Variants in FHIP1A observed in about 807,000 individuals in gnomAD.
The protein encoded by FHIP1A is FHF complex subunit HOOK-interacting protein 1A.
Under a neutral mutation model 88.6 loss-of-function variants are expected in FHIP1A, and 61 were observed. The observed-to-expected ratio is 0.69, with a 90% CI of 0.56 to 0.85. The LOEUF is 0.85. FHIP1A is among the 40% of genes least tolerant of loss of function. The probability of loss-of-function intolerance (pLI) is 0.00; values close to 1 mark genes in which losing one functional copy is unlikely to be tolerated. For synonymous variants in FHIP1A, 478 were observed against 496.0 expected, an observed-to-expected ratio of 0.96 and a Z score of 0.48; for missense variants, 1,154 against 1,273.5, an observed-to-expected ratio of 0.91 and a Z score of 1.43.
rs1363429176 is a variant in FHIP1A, at chr4:151,577,591, G to A, written c.247G>A (p.Ala83Thr). The A allele has an allele frequency of 1.3e-6, 2 of 1,551,950 alleles. No individual in the cohort carries two copies. The highest frequency in any genetic ancestry group is 1.7e-6 in the Non-Finnish European group (2 of 1,147,044). Residue 83 changes from alanine to threonine, a missense_variant, in exon 5 of 14, where the codon GCT (alanine) becomes ACT (threonine). Ala to Thr is a moderately conservative substitution (Grantham distance 58). Transcript: ENST00000435205. ...FLLIEEQAKD[A>T]AMGPILEFVV... ...GTTGATTGAAGAGCAAGCCAAAGAT[G>A]CTGCAATGGGGCCGATTCTGGAATT...
intron 1 of FHIP1A, among the ~76,000 whole-genome samples, chr4:151,411,851 A>G (rs1270167194): frequency 6.6e-6 from 1 of 152,130 alleles, no homozygotes; most frequent in Non-Finnish European, 1.5e-5. Context: ...CTTCATCCTT[A>G]TTTTTAGCAA....
intron 8 of FHIP1A, among the ~76,000 whole-genome samples, chr4:151,632,118 A>G (rs781359426): frequency 3.9e-5 from 6 of 152,094 alleles, no homozygotes; most frequent in Non-Finnish European, 7.4e-5. Context: ...TCCTATGCAA[A>G]TGGTAACTAA....
chr4:151,558,066 A>G (rs1733022417), intron 3 of FHIP1A, among the ~76,000 whole-genome samples: 1 of 152,210 alleles, frequency 6.6e-6, no homozygotes, highest in African/African-American at 2.4e-5. Flanking sequence ...CTTGGGACAA[A>G]ATGAAAGCTT....
chr4:151,498,993 CAG>C (rs1730558243), intron 3 of FHIP1A, among the ~76,000 whole-genome samples: 2 of 152,122 alleles, frequency 1.3e-5, no homozygotes, highest in Non-Finnish European at 2.9e-5. Flanking sequence ...CTTGTTAAGA[CAG>C]ATTTAAACAG....
intron 3 of FHIP1A, among the ~76,000 whole-genome samples, chr4:151,526,489 A>AC (rs1053128063): frequency 1.1e-4 from 15 of 136,376 alleles, no homozygotes; most frequent in East Asian, 4.5e-4. Flanking sequence ...CGGGGGGCTG[A>AC]CCCCCCCACC....
chr4:151,647,787 G>A (rs1186291687), intron 10 of FHIP1A, among the ~76,000 whole-genome samples: 2 of 152,130 alleles, frequency 1.3e-5, no homozygotes, highest in Non-Finnish European at 2.9e-5. Context: ...TACTATGAAA[G>A]TTTTTTCAAG....
Position 151,461,405 on chromosome 4 carries a change from C to T in FHIP1A, c.-248+6597C>T, listed in dbSNP as rs575638947. Among the ~76,000 whole-genome samples the T allele has an allele frequency of 3.3e-5, 5 of 152,162 alleles. No homozygotes were observed. In the South Asian group the frequency reaches 1.0e-3, roughly 32 times the overall value. ...GTGAGGTGAGGTATGGTGGGCATGG[C>T]ACTCATTCTCGTGACAATACCATGG... On this transcript the variant is annotated intron_variant, in intron 2 of 13. Coordinates refer to ENST00000435205, the MANE Select transcript of FHIP1A (RefSeq NM_001109977.3).
intron 7 of FHIP1A, among the ~76,000 whole-genome samples, chr4:151,621,588 G>T (rs923747376): frequency 1.3e-5 from 2 of 150,052 alleles, no homozygotes; most frequent in African/African-American, 2.5e-5. Context: ...GAGTTGGGGG[G>T]GTTGCGTGGA....
At chr4:151,463,730 G>A (rs1053007325) in intron 2 of FHIP1A, among the ~76,000 whole-genome samples, 1 of 152,176 alleles carries the variant, frequency 6.6e-6, no homozygotes, top group African/African-American at 2.4e-5. Flanking sequence ...CTTGTCTGAT[G>A]ACAATACCGA....
Position 151,508,319 on chromosome 4 carries a change from G to A in FHIP1A, c.-123+25671G>A, listed in dbSNP as rs138173618. On this transcript the variant is annotated intron_variant, in intron 3 of 13. Coordinates refer to ENST00000435205, the MANE Select transcript of FHIP1A (RefSeq NM_001109977.3). The stretch of plus-strand genomic sequence containing the variant: ...CACAATAATTTGGGGAGAAAGATTC[G>A]TGGGTCCTGCCTTCATGTGCAGCCT... 4.5e-4 allele frequency among the ~76,000 whole-genome samples: 69 copies of A among 152,324 alleles called. No homozygotes were observed. In the East Asian group the frequency reaches 9.1e-3, roughly 20 times the overall value.
intron 2 of FHIP1A, among the ~76,000 whole-genome samples, chr4:151,478,637 C>G (rs942427601): frequency 1.3e-5 from 2 of 152,098 alleles, no homozygotes; most frequent in African/African-American, 4.8e-5. Context: ...TTGGGCTAAA[C>G]AAAACTAAGC....
chr4:151,528,100 G>C (rs1731746617), intron 3 of FHIP1A, among the ~76,000 whole-genome samples: 1 of 152,234 alleles, frequency 6.6e-6, no homozygotes, highest in Non-Finnish European at 1.5e-5. Context: ...TCTGTGAGAA[G>C]TGAATACTTT....
chr4:151,645,831 G>A (rs1443629482), intron 9 of FHIP1A, among the ~76,000 whole-genome samples: 1 of 151,936 alleles, frequency 6.6e-6, no homozygotes, highest in Non-Finnish European at 1.5e-5. Flanking sequence ...GGTTGCTCAG[G>A]TTTTCTTGTC....
chr4:151,516,369 A>T (rs969745781), intron 3 of FHIP1A, among the ~76,000 whole-genome samples: 1 of 152,006 alleles, frequency 6.6e-6, no homozygotes, highest in Non-Finnish European at 1.5e-5. Context: ...CCTAGGCATT[A>T]CCATTCAGGA....
At chr4:151,661,702 AAAAACTG>A (rs1467633491) in intron 13 of FHIP1A, among the ~76,000 whole-genome samples, 1 of 152,240 alleles carries the variant, frequency 6.6e-6, no homozygotes, top group Non-Finnish European at 1.5e-5. Context: ...TTTAATTAGT[AAAAACTG>A]ATTTGATAGG....
intron 8 of FHIP1A, 99 bp from the exon 9 acceptor site, chr4:151,638,578 A>G (rs1736452824): frequency 7.9e-6 from 5 of 631,954 alleles, no homozygotes; most frequent in Admixed American, 3.4e-5. Flanking sequence ...AAAAAAAAAA[A>G]GGCCATTATA....
intron 7 of FHIP1A, among the ~76,000 whole-genome samples, chr4:151,627,514 T>C (rs891095051): frequency 3.9e-5 from 6 of 152,248 alleles, no homozygotes; most frequent in African/African-American, 1.4e-4. Context: ...GAAAATATTG[T>C]GTTACAGAAA....
chr4:151,576,548 C>T (rs1225136923), intron 4 of FHIP1A, among the ~76,000 whole-genome samples: 1 of 152,176 alleles, frequency 6.6e-6, no homozygotes, highest in African/African-American at 2.4e-5. Flanking sequence ...AAGTGATCCT[C>T]CTACCTTGGC....
intron 5 of FHIP1A, among the ~76,000 whole-genome samples, chr4:151,578,543 G>C (rs1023873621): frequency 3.3e-5 from 5 of 152,102 alleles, no homozygotes; most frequent in South Asian, 4.2e-4. Flanking sequence ...AACATGGGGG[G>C]GTGGAGTGGG....
Sources: allele counts gnomAD v4.1 joint callset (sites outside exome capture counted in the v4.1 genomes callset), GRCh38; gene constraint gnomAD v4.1.1; transcripts MANE v1.5; gene names NCBI Gene and HGNC (gene_info 2026-07-23, HGNC 2026-07-21).